FGD1: variants seen among roughly 807,000 people sequenced by gnomAD.
FGD1 encodes the protein FYVE, RhoGEF and PH domain containing 1.
FGD1 carries 12 observed loss-of-function variants against 65.0 expected under a neutral mutation model. The ratio of observed to expected loss-of-function variants is 0.18; its 90% CI spans 0.12 to 0.30. The LOEUF (loss-of-function observed/expected upper bound fraction) is 0.30, where lower values mean the gene tolerates loss of function less well. FGD1 is among the 10% of genes least tolerant of loss of function. The pLI, the probability that FGD1 is intolerant of heterozygous loss-of-function variation, is 1.00. For missense variants in FGD1, 542 were observed against 837.6 expected, an observed-to-expected ratio of 0.65 and a Z score of 4.36; for synonymous variants, 333 against 343.9, an observed-to-expected ratio of 0.97 and a Z score of 0.35.
intron 16 of FGD1, among the ~76,000 whole-genome samples, chrX:54,448,602 G>C (rs1922299407): frequency 8.9e-6 from 1 of 112,566 alleles, no homozygotes; most frequent in African/African-American, 3.2e-5. Context: ...AATAGCATGG[G>C]CAGATTAGTT....
At chrX:54,456,181 G>C (rs928604459) in intron 10 of FGD1, 39 bp downstream of exon 10, 1 of 1,195,863 alleles carries the variant, frequency 8.4e-7, no homozygotes, top group Non-Finnish European at 1.1e-6. Context: ...TGTGTTGGGA[G>C]GGGCATGACC....
intron 8 of FGD1, among the ~76,000 whole-genome samples, chrX:54,461,049 A>G (rs1489100328): frequency 8.9e-6 from 1 of 111,855 alleles, no homozygotes; most frequent in Non-Finnish European, 1.9e-5. Flanking sequence ...AATGGACTCT[A>G]TCTGGAGCCC....
intron 1 of FGD1, among the ~76,000 whole-genome samples, chrX:54,486,111 G>A (rs1181726738): frequency 6.4e-5 from 7 of 109,546 alleles, no homozygotes; most frequent in African/African-American, 2.3e-4. Flanking sequence ...TTTTGAGACA[G>A]AGTCTCGCTC....
At chrX:54,454,142 G>A (rs1221662297) in intron 12 of FGD1, among the ~76,000 whole-genome samples, 1 of 110,922 alleles carries the variant, frequency 9.0e-6, no homozygotes, top group Non-Finnish European at 1.9e-5. Context: ...TTCTGAGAAA[G>A]GTGTCGTTAG....
In FGD1 at chrX:54,459,725, A is replaced by G. The variant is rs1249816562; in HGVS notation, c.1637-3158T>C. ...ATTCTCATTCTGAACAGCTCAGAAAACCAGACCGGTAAGTTGTTTCTGGGG... is the reference window on the plus strand; with the variant it reads ...ATTCTCATTCTGAACAGCTCAGAAAGCCAGACCGGTAAGTTGTTTCTGGGG... On this transcript the variant is annotated intron_variant, in intron 8 of 17. Coordinates refer to ENST00000375135, the MANE Select transcript of FGD1 (RefSeq NM_004463.3). Among the ~76,000 whole-genome samples the G allele has an allele frequency of 2.7e-5, 3 of 110,544 alleles. No individual in the cohort carries two copies. In the Admixed American group the frequency reaches 2.9e-4, roughly 11 times the overall value.
At chrX:54,451,752 G>A (rs1193898951) in intron 12 of FGD1, among the ~76,000 whole-genome samples, 1 of 107,690 alleles carries the variant, frequency 9.3e-6, no homozygotes, top group African/African-American at 3.4e-5. Context: ...GGCCGGGCGT[G>A]GTGGCGGGAG....
intron 1 of FGD1, among the ~76,000 whole-genome samples, chrX:54,476,222 A>G (rs7055328): frequency 0.16 from 17,488 of 110,641 alleles, 2,244 homozygotes; most frequent in African/African-American, 0.43. Context: ...CTGTGCTTGG[A>G]GATGAGAAAA....
At chrX:54,468,553 G>T (rs1165126159) in intron 5 of FGD1, among the ~76,000 whole-genome samples, 1 of 110,759 alleles carries the variant, frequency 9.0e-6, no homozygotes, top group Admixed American at 9.6e-5. Context: ...TCGCAGTCAG[G>T]GCTGGTGTAC....
intron 8 of FGD1, among the ~76,000 whole-genome samples, chrX:54,460,132 A>G (rs993351185): frequency 2.0e-4 from 20 of 101,652 alleles, no homozygotes; most frequent in African/African-American, 6.9e-4. Flanking sequence ...AAATAAATAA[A>G]TAAATAAAAA....
At chrX:54,483,397 G>GT (rs1041769116) in intron 1 of FGD1, among the ~76,000 whole-genome samples, 1 of 112,327 alleles carries the variant, frequency 8.9e-6, no homozygotes, top group African/African-American at 3.2e-5. Context: ...GGTGTGGGCG[G>GT]TGGCGGCCCA....
chrX:54,486,230 G>C (rs1381215679), intron 1 of FGD1, among the ~76,000 whole-genome samples: 1 of 109,056 alleles, frequency 9.2e-6, no homozygotes, highest in East Asian at 2.9e-4. Context: ...GGGATTATGG[G>C]CATGTGCCAC....
intron 1 of FGD1, among the ~76,000 whole-genome samples, chrX:54,480,309 G>T (rs1374157219): frequency 8.9e-6 from 1 of 112,361 alleles, no homozygotes; most frequent in East Asian, 2.8e-4. Context: ...AGGCCCTTTT[G>T]TAAAATGGAT....
At chrX:54,479,780 C>CAA (rs61712565) in intron 1 of FGD1, among the ~76,000 whole-genome samples, 19 of 25,302 alleles carry the variant, frequency 7.5e-4, no homozygotes, top group Non-Finnish European at 1.1e-3. Context: ...CTCCGCTTGA[C>CAA]AAAAAAAAAA....
chrX:54,446,375 C>T lies in FGD1; in HGVS notation c.2620G>A (p.Glu874Lys), dbSNP rs1277082142. The T allele has an allele frequency of 3.3e-6, 4 of 1,209,443 alleles. No individual in the cohort carries two copies. The highest frequency in any genetic ancestry group is 2.2e-5 in the Admixed American group (1 of 45,774). Reference protein sequence around the residue: ...AQRSLPLIGFEVGPPEAGERP... With the variant: ...AQRSLPLIGFKVGPPEAGERP... ...TCCCCTGCCTCGGGCGGTCCCACCT[C>T]GAAGCCAATGAGGGGCAGGCTGCGC... The change falls in exon 18 of 18, where the codon GAG becomes AAG. Residue 874 changes from glutamate to lysine, a missense_variant. Physicochemically the swap from Glu to Lys is moderately conservative, Grantham distance 56 (BLOSUM62 1). Around this residue, in one of 6 missense-constraint regions of FGD1, gnomAD observed 182 missense variants for 311.4 expected, o/e 0.58. Coordinates refer to ENST00000375135, the MANE Select transcript of FGD1 (RefSeq NM_004463.3).
chrX:54,457,384 A>G (rs1013760777), intron 8 of FGD1, among the ~76,000 whole-genome samples: 2 of 111,848 alleles, frequency 1.8e-5, no homozygotes, highest in Admixed American at 1.9e-4. Flanking sequence ...TCTATACACA[A>G]ACACATTTTT....
rs1486257831 is a variant in FGD1 at position 54,470,030 on chromosome X, G to A, written c.1087C>T (p.Gln363Ter). Residue 363 changes from glutamine (Q) to a stop codon, truncating the protein, a stop_gained, in exon 4 of 18, where the codon CAG (glutamine) becomes TAG (stop). Transcript: ENST00000375135. LOFTEE classifies it high-confidence loss of function. ...REIPVPLMER[Q>*]ESVELTVQQK... ...CAGGTCAGTACCTCCACAGACTCCT[G>A]TCTCTCCATCAGGGGCACTGGGATT... 1 of 1,210,386 alleles carries A rather than the reference G, an allele frequency of 8.3e-7. No homozygotes were observed. The highest frequency in any genetic ancestry group is 2.2e-5 in the Admixed American group (1 of 45,962).
chrX:54,484,522 G>A (rs1364028750), intron 1 of FGD1, among the ~76,000 whole-genome samples: 1 of 111,701 alleles, frequency 9.0e-6, no homozygotes, highest in South Asian at 3.7e-4. Flanking sequence ...ATTATTTATT[G>A]ATGCCACAAT....
chrX:54,473,732 C>A (rs922260590), intron 1 of FGD1, among the ~76,000 whole-genome samples: 1 of 111,908 alleles, frequency 8.9e-6, no homozygotes, highest in African/African-American at 3.2e-5. Flanking sequence ...CGCCTGTGAT[C>A]CCAGCACTTT....
intron 12 of FGD1, 87 bp from the exon 13 acceptor site, chrX:54,450,388 CAGA>C (rs1922349607): frequency 3.3e-6 from 3 of 909,418 alleles, no homozygotes; most frequent in Non-Finnish European, 4.8e-6. Context: ...GTTTTGGAGT[CAGA>C]AAGACCTGGG....
Sources: gnomAD v4.1 joint callset for allele counts (sites outside exome capture counted in the v4.1 genomes callset) on GRCh38, gnomAD v4.1.1 for gene constraint, gnomAD v4.1.1 regional missense constraint, MANE v1.5 for transcripts, NCBI Gene and HGNC (gene_info 2026-07-23, HGNC 2026-07-21) for gene names.